GRID2: variants seen among roughly 807,000 people sequenced by gnomAD.
GRID2 encodes glutamate ionotropic receptor delta type subunit 2.
A neutral mutation model predicts 114.8 loss-of-function variants in GRID2; 33 were observed. The ratio of observed to expected loss-of-function variants is 0.29; its 90% confidence interval spans 0.22 to 0.38. The LOEUF (loss-of-function observed/expected upper bound fraction) is 0.38. Among genes scored for constraint, GRID2 ranks in the 10% least tolerant of loss-of-function variants. The pLI is 1.00. For missense variants in GRID2, 1,184 were observed against 1,257.7 expected (o/e 0.94, Z 0.89); for synonymous variants, 505 against 449.9 (o/e 1.12, Z -1.55).
At chr4:92,731,888 A>C (rs1736345032) in intron 2 of GRID2, among the ~76,000 whole-genome samples, 1 of 151,976 alleles carries the variant, frequency 6.6e-6, no homozygotes, top group Non-Finnish European at 1.5e-5. Context: ...ATAAATTGAA[A>C]GGAGTGTTTG....
intron 10 of GRID2, among the ~76,000 whole-genome samples, chr4:93,430,425 C>T (rs1190001428): frequency 6.6e-6 from 1 of 152,214 alleles, no homozygotes; most frequent in African/African-American, 2.4e-5. Context: ...AGGTGATCTG[C>T]CCGCCTCAGC....
At chr4:93,190,379 C>G (rs781400444) in intron 4 of GRID2, among the ~76,000 whole-genome samples, 33 of 152,078 alleles carry the variant, frequency 2.2e-4, no homozygotes, top group Non-Finnish European at 3.8e-4. Flanking sequence ...GCAGGAAAAT[C>G]TTATTCTTTA....
intron 13 of GRID2, 123 bp from the exon 14 acceptor site, chr4:93,626,146 A>G: frequency 1.7e-6 from 1 of 585,564 alleles, no homozygotes; most frequent in Non-Finnish European, 3.0e-6. Flanking sequence ...AAGGATGATT[A>G]TATGTTCTAT....
intron 2 of GRID2, among the ~76,000 whole-genome samples, chr4:92,743,866 G>A (rs1384478067): frequency 6.6e-6 from 1 of 152,150 alleles, no homozygotes; most frequent in African/African-American, 2.4e-5. Context: ...GTAGACAGAA[G>A]ATCTGTAAAT....
chr4:92,699,808 C>T (rs1734584371), intron 2 of GRID2, among the ~76,000 whole-genome samples: 3 of 152,000 alleles, frequency 2.0e-5, no homozygotes, highest in Admixed American at 2.0e-4. Flanking sequence ...ATTATATTGC[C>T]ATATTATCTT....
At chr4:93,487,230 A>T (rs4693324) in intron 11 of GRID2, among the ~76,000 whole-genome samples, 31,406 of 151,642 alleles carry the variant, frequency 0.21, 3,987 homozygotes, top group Non-Finnish European at 0.29. Flanking sequence ...GGTCTTTTTA[A>T]AGAACCAAAC....
intron 8 of GRID2, chr4:93,306,470 T>C (rs1257116150): frequency 6.6e-6 from 1 of 152,122 alleles, no homozygotes; most frequent in African/African-American, 2.4e-5. Context: ...TTAGATATTT[T>C]CCTAAAGTGC....
intron 2 of GRID2, among the ~76,000 whole-genome samples, chr4:92,869,369 A>T (rs1745112843): frequency 6.6e-6 from 1 of 152,216 alleles, no homozygotes; most frequent in Non-Finnish European, 1.5e-5. Context: ...ACATTTAAAT[A>T]GTTTAAATTT....
chr4:92,571,200 A>G (rs1028923567), intron 1 of GRID2, among the ~76,000 whole-genome samples: 6 of 152,150 alleles, frequency 3.9e-5, no homozygotes, highest in Admixed American at 3.3e-4. Context: ...ATCTATTGAG[A>G]TAATCACATG....
At chr4:93,788,591 GA>G (rs1167027365) in intron 1 of GRID2, among the ~76,000 whole-genome samples, 17 of 151,902 alleles carry the variant, frequency 1.1e-4, no homozygotes, top group African/African-American at 4.1e-4. Flanking sequence ...AAAACTGGAA[GA>G]AAAAAGATAA....
At chr4:93,442,321 C>G (rs1001444324) in intron 10 of GRID2, among the ~76,000 whole-genome samples, 5 of 151,928 alleles carry the variant, frequency 3.3e-5, no homozygotes, top group Admixed American at 6.6e-5. Context: ...CAGATGGCCT[C>G]TTAGAAAATT....
intron 13 of GRID2, among the ~76,000 whole-genome samples, chr4:93,596,479 G>A (rs1578355219): frequency 6.6e-6 from 1 of 152,156 alleles, no homozygotes; most frequent in East Asian, 1.9e-4. Flanking sequence ...TCGGGAGGCT[G>A]AGGCAGAAGA....
chr4:93,392,646 G>T (rs1003555697), intron 8 of GRID2, among the ~76,000 whole-genome samples: 9 of 152,024 alleles, frequency 5.9e-5, no homozygotes, highest in Non-Finnish European at 1.2e-4. Context: ...CAGCATTTTG[G>T]GAGGCTGAGG....
At chr4:93,309,752 G>T (rs1221955576) in intron 8 of GRID2, among the ~76,000 whole-genome samples, 3 of 152,104 alleles carry the variant, frequency 2.0e-5, no homozygotes, top group Non-Finnish European at 4.4e-5. Context: ...CCAATGGTGG[G>T]AGTAGCAGTT....
intron 8 of GRID2, among the ~76,000 whole-genome samples, chr4:93,309,263 G>A (rs539229252): frequency 8.5e-5 from 13 of 152,210 alleles, no homozygotes; most frequent in Admixed American, 3.9e-4. Flanking sequence ...GGCAGGGTGC[G>A]GTGGCTCACA....
chr4:92,342,647 G>A (rs549587884), intron 1 of GRID2, among the ~76,000 whole-genome samples: 1 of 152,278 alleles, frequency 6.6e-6, no homozygotes, highest in Admixed American at 6.5e-5. Flanking sequence ...AATTCTGAGT[G>A]TTCCTTCATA....
intron 8 of GRID2, among the ~76,000 whole-genome samples, chr4:93,263,503 T>C (rs1750481475): frequency 6.6e-6 from 1 of 152,080 alleles, no homozygotes; most frequent in Admixed American, 6.6e-5. Flanking sequence ...TTTCTATATA[T>C]GGAAAAATAT....
At chr4:92,944,754 T>G (rs1006130252) in intron 2 of GRID2, among the ~76,000 whole-genome samples, 1 of 152,226 alleles carries the variant, frequency 6.6e-6, no homozygotes, top group African/African-American at 2.4e-5. Flanking sequence ...ACTCGTGTAC[T>G]AACAGTTATT....
chr4:93,193,181 AC>A (rs1439856717), intron 4 of GRID2, among the ~76,000 whole-genome samples: 1 of 152,132 alleles, frequency 6.6e-6, no homozygotes, highest in Non-Finnish European at 1.5e-5. Context: ...CTGCTTAATG[AC>A]TGTTTCTGTA....
Sources: allele counts gnomAD v4.1 joint callset (sites outside exome capture counted in the v4.1 genomes callset), GRCh38; gene constraint gnomAD v4.1.1; transcripts MANE v1.5; gene names NCBI Gene and HGNC (gene_info 2026-07-23, HGNC 2026-07-21).